The following KCNIP4 variants were observed in gnomAD, a reference collection of about 807,000 sequenced individuals.
The protein encoded by KCNIP4 is potassium voltage-gated channel interacting protein 4, also known as Kv channel-interacting protein 4.
A neutral mutation model predicts 34.0 loss-of-function variants in KCNIP4; 12 were observed. The ratio of observed to expected loss-of-function variants is 0.35; its 90% confidence interval spans 0.23 to 0.57. KCNIP4 has a LOEUF of 0.57. Among genes scored for constraint, KCNIP4 ranks in the 20% least tolerant of loss-of-function variants. KCNIP4 has a pLI of 0.83. For missense variants in KCNIP4, 238 were observed against 311.7 expected, an observed-to-expected ratio of 0.76 and a Z score of 1.78; for synonymous variants, 124 against 102.2, an observed-to-expected ratio of 1.21 and a Z score of -1.29.
intron 1 of KCNIP4, among the ~76,000 whole-genome samples, chr4:21,657,864 G>A (rs1209221464): frequency 2.0e-5 from 3 of 149,904 alleles, no homozygotes; most frequent in Non-Finnish European, 4.4e-5. Flanking sequence ...TTTTTGAGAC[G>A]GAGTCTCGCT....
rs1491541435 is a variant in KCNIP4, at chr4:21,151,405, A to ATTTTTTTTTTTTTTTTTTTT, written c.62-268697_62-268696insAAAAAAAAAAAAAAAAAAAA. Among the ~76,000 whole-genome samples the ATTTTTTTTTTTTTTTTTTTT allele has an allele frequency of 1.8e-4, 17 of 93,512 alleles. 7 individuals carry two copies. The highest frequency in any genetic ancestry group is 4.0e-4 in the African/African-American group (10 of 24,702). 61.3% of individuals were successfully genotyped at this position (93,512 alleles called of 152,430 possible). On this transcript the variant is annotated intron_variant, in intron 1 of 8. Coordinates refer to ENST00000382152, the MANE Select transcript of KCNIP4 (RefSeq NM_025221.6). The stretch of plus-strand genomic sequence containing the variant: ...AGAATGGATGTCTTCAACAAAAGAC[A>ATTTTTTTTTTTTTTTTTTTT]ATTTTTTTTTTTTTTTTTTTTTTTT...
At chr4:21,510,169 A>C (rs1158889078) in intron 1 of KCNIP4, among the ~76,000 whole-genome samples, 1 of 151,946 alleles carries the variant, frequency 6.6e-6, no homozygotes, top group Non-Finnish European at 1.5e-5. Context: ...TCCTATTGAA[A>C]TGATGTTAAT....
intron 1 of KCNIP4, among the ~76,000 whole-genome samples, chr4:21,834,666 G>A (rs77468585): frequency 6.6e-6 from 1 of 151,190 alleles, no homozygotes; most frequent in African/African-American, 2.4e-5. Context: ...TCCCTGTCTT[G>A]TGCCAGTTTT....
chr4:21,463,502 G>C (rs934798350), intron 1 of KCNIP4, among the ~76,000 whole-genome samples: 6 of 151,936 alleles, frequency 3.9e-5, no homozygotes, highest in African/African-American at 1.2e-4. Context: ...AATCATAAAA[G>C]ATGTGGTCTT....
chr4:21,301,499 T>A (rs976470351), intron 1 of KCNIP4, among the ~76,000 whole-genome samples: 2 of 152,098 alleles, frequency 1.3e-5, no homozygotes, highest in Non-Finnish European at 2.9e-5. Context: ...AATTCTTTCA[T>A]AGGACAATTG....
intron 1 of KCNIP4, among the ~76,000 whole-genome samples, chr4:21,515,903 C>A (rs759359631): frequency 7.2e-5 from 11 of 152,004 alleles, no homozygotes; most frequent in Non-Finnish European, 1.3e-4. Flanking sequence ...AAATAAATTT[C>A]TGTTCCTTAT....
chr4:21,107,943 C>T (rs1017552842), intron 1 of KCNIP4, among the ~76,000 whole-genome samples: 4 of 151,440 alleles, frequency 2.6e-5, no homozygotes, highest in African/African-American at 9.8e-5. Context: ...TCTCTTCTGG[C>T]TTGTAGAGTT....
chr4:21,029,479 A>T (rs1340002506), intron 1 of KCNIP4, among the ~76,000 whole-genome samples: 1 of 152,216 alleles, frequency 6.6e-6, no homozygotes, highest in East Asian at 1.9e-4. Context: ...ATTCTAAGTT[A>T]TGGACTATTA....
At chr4:21,294,215 C>G (rs1578034727) in intron 1 of KCNIP4, among the ~76,000 whole-genome samples, 1 of 152,124 alleles carries the variant, frequency 6.6e-6, no homozygotes, top group East Asian at 1.9e-4. Context: ...TGGAACCTCT[C>G]TATTTGAGAC....
At chr4:21,173,456 G>A (rs1403390584) in intron 1 of KCNIP4, among the ~76,000 whole-genome samples, 1 of 152,152 alleles carries the variant, frequency 6.6e-6, no homozygotes, top group Non-Finnish European at 1.5e-5. Flanking sequence ...GTCAATAGCA[G>A]AGCAGTTCAG....
chr4:20,762,331 G>A (rs562240268), intron 3 of KCNIP4, among the ~76,000 whole-genome samples: 3 of 152,226 alleles, frequency 2.0e-5, no homozygotes, highest in African/African-American at 7.2e-5. Context: ...ATCACATTGG[G>A]GGTTAGGATT....
At chr4:21,900,349 T>C (rs993513975) in intron 1 of KCNIP4, among the ~76,000 whole-genome samples, 2 of 152,198 alleles carry the variant, frequency 1.3e-5, no homozygotes, top group African/African-American at 4.8e-5. Context: ...CTGATAAGAC[T>C]GATGGAAGCC....
chr4:21,676,142 T>C (rs1259558754), intron 1 of KCNIP4, among the ~76,000 whole-genome samples: 1 of 152,174 alleles, frequency 6.6e-6, no homozygotes, highest in Non-Finnish European at 1.5e-5. Context: ...CTTTCTAGAG[T>C]ATGACTGCCT....
chr4:21,549,591 A>C (rs1411950415), intron 1 of KCNIP4, among the ~76,000 whole-genome samples: 1 of 152,030 alleles, frequency 6.6e-6, no homozygotes, highest in Non-Finnish European at 1.5e-5. Flanking sequence ...CAGCCTGCAG[A>C]ACTGTGACCC....
At chr4:20,860,891 AG>A (rs1722130629) in intron 2 of KCNIP4, among the ~76,000 whole-genome samples, 1 of 152,196 alleles carries the variant, frequency 6.6e-6, no homozygotes, top group African/African-American at 2.4e-5. Flanking sequence ...ACAAAGAAAA[AG>A]CTGCCTGGAG....
chr4:21,808,261 T>C (rs1578016053), intron 1 of KCNIP4, among the ~76,000 whole-genome samples: 1 of 152,108 alleles, frequency 6.6e-6, no homozygotes, highest in African/African-American at 2.4e-5. Context: ...AAATTTGAAC[T>C]GCATGAGTGC....
intron 1 of KCNIP4, among the ~76,000 whole-genome samples, chr4:21,003,202 G>C (rs1163231655): frequency 6.6e-6 from 1 of 152,130 alleles, no homozygotes; most frequent in Non-Finnish European, 1.5e-5. Flanking sequence ...GTAAATTACA[G>C]GGCTGAAATT....
intron 1 of KCNIP4, among the ~76,000 whole-genome samples, chr4:21,088,422 C>T (rs749996918): frequency 1.3e-5 from 2 of 152,084 alleles, no homozygotes; most frequent in African/African-American, 2.4e-5. Flanking sequence ...GGGATCCGTA[C>T]GTTCATTCTT....
At chr4:21,539,794 C>A (rs1422148673) in intron 1 of KCNIP4, among the ~76,000 whole-genome samples, 1 of 152,008 alleles carries the variant, frequency 6.6e-6, no homozygotes, top group African/African-American at 2.4e-5. Context: ...GCCTGGCCAA[C>A]ACAGTGAAAC....
Sources: allele counts gnomAD v4.1 joint callset (sites outside exome capture counted in the v4.1 genomes callset), GRCh38; gene constraint gnomAD v4.1.1; transcripts MANE v1.5; gene names NCBI Gene and HGNC (gene_info 2026-07-23, HGNC 2026-07-21).